MEIKIN: variants seen among roughly 807,000 people sequenced by gnomAD.
MEIKIN encodes the protein meiosis-specific kinetochore protein.
chr5:131,880,538 G>A (rs1291858857), intron 8 of MEIKIN, among the ~76,000 whole-genome samples: 3 of 152,114 alleles, frequency 2.0e-5, no homozygotes, highest in South Asian at 4.2e-4. Flanking sequence ...CATGATACCC[G>A]GTCCAGCTTT....
At chr5:131,846,462 T>C (rs1366980264) in intron 11 of MEIKIN, among the ~76,000 whole-genome samples, 2 of 152,232 alleles carry the variant, frequency 1.3e-5, no homozygotes, top group African/African-American at 4.8e-5. Context: ...AAAATAATTA[T>C]TGGTATAAGA....
At chr5:131,816,050 CAAG>C (rs1036319371) in intron 12 of MEIKIN, among the ~76,000 whole-genome samples, 2 of 152,242 alleles carry the variant, frequency 1.3e-5, no homozygotes, top group African/African-American at 4.8e-5. Flanking sequence ...TACAGGATAG[CAAG>C]AAGAAGGGTG....
chr5:131,883,252 A>C (rs1403886961), intron 8 of MEIKIN, among the ~76,000 whole-genome samples: 1 of 152,170 alleles, frequency 6.6e-6, no homozygotes, highest in East Asian at 1.9e-4. Context: ...AATGGTCTTA[A>C]CCTCAGAGGA....
chr5:131,889,575 T>A (rs995287289), intron 8 of MEIKIN, among the ~76,000 whole-genome samples: 1 of 152,256 alleles, frequency 6.6e-6, no homozygotes, highest in Non-Finnish European at 1.5e-5. Flanking sequence ...TCTTGAGACT[T>A]TGCTGAAGTT....
intron 7 of MEIKIN, among the ~76,000 whole-genome samples, chr5:131,914,531 AGGGGAG>A (rs1358240906): frequency 2.2e-5 from 2 of 92,878 alleles, no homozygotes; most frequent in African/African-American, 8.4e-5. Context: ...AAGGGAGGGG[AGGGGAG>A]GGGAAGGGGA....
intron 11 of MEIKIN, among the ~76,000 whole-genome samples, chr5:131,834,531 G>A (rs1047734034): frequency 2.0e-5 from 3 of 152,026 alleles, no homozygotes; most frequent in Non-Finnish European, 2.9e-5. Flanking sequence ...TCTACTCTCT[G>A]CTTCTGTGTG....
intron 8 of MEIKIN, among the ~76,000 whole-genome samples, chr5:131,892,880 CA>C (rs1750956294): frequency 6.6e-6 from 1 of 152,156 alleles, no homozygotes; most frequent in Admixed American, 6.5e-5. Flanking sequence ...TGGTGACGTA[CA>C]GATGGGTTTT....
chr5:131,864,176 T>C (rs942078379), intron 9 of MEIKIN, among the ~76,000 whole-genome samples: 3 of 152,238 alleles, frequency 2.0e-5, no homozygotes, highest in Non-Finnish European at 4.4e-5. Flanking sequence ...TTATCATTGA[T>C]ATGTCATGCT....
At chr5:131,837,663 G>GT (rs1749833106) in intron 11 of MEIKIN, among the ~76,000 whole-genome samples, 1 of 152,054 alleles carries the variant, frequency 6.6e-6, no homozygotes, top group African/African-American at 2.4e-5. Context: ...TGGCTTAACT[G>GT]TAATTGGTGT....
At chr5:131,826,086 C>CTT (rs35951729) in intron 11 of MEIKIN, among the ~76,000 whole-genome samples, 32 of 124,960 alleles carry the variant, frequency 2.6e-4, no homozygotes, top group Admixed American at 5.7e-4. Flanking sequence ...TTCTTGTTTT[C>CTT]TTTTTTTTTT....
intron 11 of MEIKIN, among the ~76,000 whole-genome samples, chr5:131,841,491 C>G (rs1749913883): frequency 6.6e-6 from 1 of 152,176 alleles, no homozygotes; most frequent in South Asian, 2.1e-4. Context: ...GTATAGACTA[C>G]TATTGTTTTC....
intron 11 of MEIKIN, among the ~76,000 whole-genome samples, chr5:131,837,627 T>G (rs1749832573): frequency 6.6e-6 from 1 of 152,200 alleles, no homozygotes; most frequent in Non-Finnish European, 1.5e-5. Context: ...CAATTCTGAA[T>G]AGAATTGTGT....
intron 4 of MEIKIN, among the ~76,000 whole-genome samples, chr5:131,940,503 C>T (rs1055482454): frequency 2.0e-5 from 3 of 152,114 alleles, no homozygotes; most frequent in Non-Finnish European, 4.4e-5. Flanking sequence ...TGTGCCATTT[C>T]CTCAAATGTT....
At position 131,854,743 on chromosome 5, in the gene MEIKIN, C is replaced by T. The variant is rs1316505739; in HGVS notation, c.855+11G>A. 5.0e-6 allele frequency: 2 copies of T among 397,570 alleles called. No homozygotes were observed. The highest frequency in any genetic ancestry group is 3.6e-5 in the East Asian group (1 of 27,968). 24.6% of individuals were successfully genotyped at this position (397,570 alleles called of 1,614,324 possible). On this transcript the variant is annotated intron_variant, in intron 10 of 12. Transcript: ENST00000442687. ...AAACAGATACTACAAGTGCCAAATGCTAATACTTACCACAAAACCAGCTGT... is the reference window on the plus strand; with the variant it reads ...AAACAGATACTACAAGTGCCAAATGTTAATACTTACCACAAAACCAGCTGT...
At chr5:131,842,418 G>A (rs1018935211) in intron 11 of MEIKIN, among the ~76,000 whole-genome samples, 1 of 152,148 alleles carries the variant, frequency 6.6e-6, no homozygotes, top group Non-Finnish European at 1.5e-5. Flanking sequence ...TTATCATTGA[G>A]TATATTAGTT....
chr5:131,901,413 CCT>C (rs1561750053), intron 8 of MEIKIN, among the ~76,000 whole-genome samples: 1 of 152,154 alleles, frequency 6.6e-6, no homozygotes, highest in African/African-American at 2.4e-5. Context: ...CCTGTTCCCC[CCT>C]GTGCCATGCT....
intron 10 of MEIKIN, among the ~76,000 whole-genome samples, chr5:131,852,756 T>C (rs1279608931): frequency 1.3e-5 from 2 of 152,150 alleles, no homozygotes; most frequent in South Asian, 2.1e-4. Context: ...TTTTTAAGTA[T>C]GCTAAAAACC....
chr5:131,936,861 G>T (rs1443411134), intron 4 of MEIKIN, among the ~76,000 whole-genome samples: 1 of 152,088 alleles, frequency 6.6e-6, no homozygotes, highest in African/African-American at 2.4e-5. Context: ...ATGAACCACA[G>T]CGCCCGGCCT....
At chr5:131,896,803 A>G (rs905975162) in intron 8 of MEIKIN, among the ~76,000 whole-genome samples, 1 of 152,182 alleles carries the variant, frequency 6.6e-6, no homozygotes, top group Non-Finnish European at 1.5e-5. Context: ...TTTCCTGAAT[A>G]CAGCACACTG....
Sources: gnomAD v4.1 joint callset for allele counts (sites outside exome capture counted in the v4.1 genomes callset) on GRCh38, gnomAD v4.1.1 for gene constraint, MANE v1.5 for transcripts, NCBI Gene and HGNC (gene_info 2026-07-23, HGNC 2026-07-21) for gene names.